WDFY2: variants seen among roughly 807,000 people sequenced by gnomAD.
WDFY2 encodes WD repeat and FYVE domain containing 2, also known as WD repeat and FYVE domain-containing protein 2.
WDFY2 carries 36 observed loss-of-function variants against 56.4 expected under a neutral mutation model. The observed-to-expected ratio is 0.64, with a 90% CI of 0.49 to 0.84. The LOEUF (loss-of-function observed/expected upper bound fraction) is 0.84. Ranked by LOEUF, WDFY2 falls within the 40% of genes least tolerant of loss-of-function variation. WDFY2 has a pLI of 0.00. For missense variants in WDFY2, 444 were observed against 512.2 expected, an observed-to-expected ratio of 0.87 and a Z score of 1.29; for synonymous variants, 176 against 183.7, an observed-to-expected ratio of 0.96 and a Z score of 0.34.
chr13:51,742,605 A>G (rs145012574), intron 7 of WDFY2, among the ~76,000 whole-genome samples: 2 of 152,310 alleles, frequency 1.3e-5, no homozygotes, highest in East Asian at 3.9e-4. Flanking sequence ...AAATTCTTAC[A>G]TAATACTGTC....
intron 4 of WDFY2, among the ~76,000 whole-genome samples, chr13:51,717,290 G>GT (rs149603931): frequency 0.024 from 3,680 of 151,974 alleles, 128 homozygotes; most frequent in African/African-American, 0.08. Context: ...GAGTTTTGGG[G>GT]TTTTTTTTGT....
chr13:51,730,063 A>G (rs1952689934), intron 6 of WDFY2, among the ~76,000 whole-genome samples: 1 of 152,212 alleles, frequency 6.6e-6, no homozygotes, highest in African/African-American at 2.4e-5. Flanking sequence ...GGTGACTCAT[A>G]GGAGTGGAAT....
At chr13:51,643,387 T>C (rs1955209771) in intron 1 of WDFY2, among the ~76,000 whole-genome samples, 1 of 152,246 alleles carries the variant, frequency 6.6e-6, no homozygotes, top group African/African-American at 2.4e-5. Flanking sequence ...TTGTTTCTAC[T>C]GAGCATTTTT....
chr13:51,700,081 A>G (rs1033345190), intron 3 of WDFY2, among the ~76,000 whole-genome samples: 1 of 152,210 alleles, frequency 6.6e-6, no homozygotes, highest in Non-Finnish European at 1.5e-5. Flanking sequence ...CTATAATGTG[A>G]TCCTGTTTTT....
At chr13:51,753,476 A>G (rs1953284257) in intron 8 of WDFY2, among the ~76,000 whole-genome samples, 2 of 152,366 alleles carry the variant, frequency 1.3e-5, no homozygotes, top group South Asian at 2.1e-4. Flanking sequence ...GAAAAGTTAC[A>G]AAATGCTCAT....
intron 1 of WDFY2, among the ~76,000 whole-genome samples, chr13:51,638,637 A>G (rs1955097756): frequency 1.3e-5 from 2 of 152,350 alleles, no homozygotes; most frequent in Admixed American, 6.5e-5. Context: ...ATGAAAAGCT[A>G]TGCTGTGTGA....
chr13:51,738,386 G>T (rs1360838680), intron 6 of WDFY2, among the ~76,000 whole-genome samples: 1 of 152,120 alleles, frequency 6.6e-6, no homozygotes, highest in East Asian at 1.9e-4. Context: ...TGGTAGAATG[G>T]TCCTATGTAA....
intron 1 of WDFY2, among the ~76,000 whole-genome samples, chr13:51,650,158 GTATTT>G (rs1955346692): frequency 6.6e-6 from 1 of 151,792 alleles, no homozygotes; most frequent in Admixed American, 6.6e-5. Context: ...GGATTCCTAG[GTATTT>G]TATTCTCTTT....
Position 51,759,857 on chromosome 13 carries a change from G to T in WDFY2, c.*88G>T. ...ATTACCAGAGTGGTAAAGCAGACAT[G>T]TGAGAAGTAAGAAAGAAACTAAAGA... On this transcript the variant is annotated 3_prime_UTR_variant, in exon 12 of 12. Transcript: ENST00000298125. 7.1e-7 allele frequency: 1 copy of T among 1,414,908 alleles called. No individual in the cohort carries two copies. The highest frequency in any genetic ancestry group is 9.9e-7 in the Non-Finnish European group (1 of 1,011,194). 87.6% of individuals were successfully genotyped at this position (1,414,908 alleles called of 1,614,324 possible).
chr13:51,742,106 G>C (rs895402666), intron 7 of WDFY2, among the ~76,000 whole-genome samples: 1 of 152,152 alleles, frequency 6.6e-6, no homozygotes, highest in South Asian at 2.1e-4. Flanking sequence ...GCCTTTCCTT[G>C]GTATGGAAAT....
At chr13:51,646,548 G>T (rs1001555428) in intron 1 of WDFY2, among the ~76,000 whole-genome samples, 3 of 152,156 alleles carry the variant, frequency 2.0e-5, no homozygotes, top group South Asian at 2.1e-4. Flanking sequence ...AACAGAGGTG[G>T]CACTTGTTTT....
Position 51,759,908 on chromosome 13 carries a change from A to G in WDFY2, c.*139A>G, listed in dbSNP as rs1027571901. 6 of 908,444 alleles carry G rather than the reference A, an allele frequency of 6.6e-6. No individual in the cohort carries two copies. The highest frequency in any genetic ancestry group is 1.7e-5 in the African/African-American group (1 of 59,248). The allele number at this position is 908,444 out of a possible 1,614,324, so 56.3% of individuals were successfully genotyped here. A position where few individuals can be genotyped will look rare whatever the true frequency, so the allele number is the denominator to read the frequency against. The stretch of plus-strand genomic sequence containing the variant: ...CCCTGAATGAATTTGCAGATTACCC[A>G]TGTGCACAGTGGGGACCTGGCCAGT... On this transcript the variant is annotated 3_prime_UTR_variant, in exon 12 of 12. Transcript: ENST00000298125.
chr13:51,755,710 A>G (rs1202752760), intron 9 of WDFY2, among the ~76,000 whole-genome samples: 1 of 152,226 alleles, frequency 6.6e-6, no homozygotes, highest in East Asian at 1.9e-4. Flanking sequence ...CCTCTATTGC[A>G]GTGCACCTTA....
At chr13:51,613,471 C>T (rs1954544137) in intron 1 of WDFY2, among the ~76,000 whole-genome samples, 1 of 152,114 alleles carries the variant, frequency 6.6e-6, no homozygotes, top group Non-Finnish European at 1.5e-5. Flanking sequence ...TTAAATAGTT[C>T]CATCAGCTTG....
chr13:51,719,195 C>G lies in WDFY2; in HGVS notation c.335-3C>G. 1 of 1,614,184 alleles carries G rather than the reference C, an allele frequency of 6.2e-7. No individual in the cohort carries two copies. The highest frequency in any genetic ancestry group is 8.5e-7 in the Non-Finnish European group (1 of 1,180,038). ...GGTTGTTTTCTTTTCTCTTGGTTTT[C>G]AGCGCATCAGAGCAGAGTGACGATG... On this transcript the variant is annotated splice_region_variant and splice_polypyrimidine_tract_variant and intron_variant, in intron 4 of 11. Coordinates refer to ENST00000298125, the MANE Select transcript of WDFY2 (RefSeq NM_052950.4).
At position 51,726,169 on chromosome 13, in the gene WDFY2, TTC is replaced by T. The variant is rs1231081913; in HGVS notation, c.486-1503_486-1502del. Among the ~76,000 whole-genome samples the T allele has an allele frequency of 4.6e-5, 7 of 152,322 alleles. No homozygotes were observed. In the South Asian group the frequency reaches 6.2e-4, roughly 14 times the overall value. On this transcript the variant is annotated intron_variant, in intron 5 of 11. Transcript: ENST00000298125. The stretch of plus-strand genomic sequence containing the variant: ...CACACACATACATACACATTTGTAT[TTC>T]TCTCTGTTTCTTACACAAAGGTAGT...
chr13:51,751,461 G>C (rs1314499038), intron 8 of WDFY2, 46 bp downstream of exon 8: 4 of 1,514,730 alleles, frequency 2.6e-6, no homozygotes, highest in Non-Finnish European at 3.7e-6. Context: ...TTCTGGCCCT[G>C]CCTCCCTTCC....
intron 1 of WDFY2, among the ~76,000 whole-genome samples, chr13:51,620,054 G>C (rs1434208966): frequency 6.6e-6 from 1 of 152,204 alleles, no homozygotes; most frequent in Non-Finnish European, 1.5e-5. Flanking sequence ...TAAGCCCCTT[G>C]CCAGTACAGA....
At chr13:51,758,710 G>A (rs932122097) in intron 11 of WDFY2, among the ~76,000 whole-genome samples, 1 of 152,152 alleles carries the variant, frequency 6.6e-6, no homozygotes, top group Non-Finnish European at 1.5e-5. Flanking sequence ...ACTTGGGACA[G>A]ACTAAAAAGA....
Sources: gnomAD v4.1 joint callset for allele counts (sites outside exome capture counted in the v4.1 genomes callset) on GRCh38, gnomAD v4.1.1 for gene constraint, MANE v1.5 for transcripts, NCBI Gene and HGNC (gene_info 2026-07-23, HGNC 2026-07-21) for gene names.